Variants in ROBO2 observed in about 807,000 individuals in gnomAD.
ROBO2 encodes roundabout homolog 2.
A neutral mutation model predicts 160.8 loss-of-function variants in ROBO2; 53 were observed. The ratio of observed to expected loss-of-function variants is 0.33; its 90% CI spans 0.26 to 0.41. The LOEUF is 0.41. Ranked by LOEUF, ROBO2 falls within the 10% of genes least tolerant of loss-of-function variation. The pLI, the probability that ROBO2 is intolerant of heterozygous loss-of-function variation, is 1.00. For missense variants in ROBO2, 1,577 were observed against 1,722.4 expected (o/e 0.92, Z 1.49); for synonymous variants, 664 against 611.7 (o/e 1.09, Z -1.26).
intron 1 of ROBO2, among the ~76,000 whole-genome samples, chr3:77,068,873 C>T (rs560471341): frequency 6.6e-6 from 1 of 152,092 alleles, no homozygotes; most frequent in South Asian, 2.1e-4. Context: ...TTTTGTGATC[C>T]GCAAACTATA....
intron 2 of ROBO2, among the ~76,000 whole-genome samples, chr3:77,247,177 TAAG>T (rs2089824920): frequency 6.6e-6 from 1 of 152,236 alleles, no homozygotes; most frequent in Admixed American, 6.5e-5. Context: ...TTTTCCATGC[TAAG>T]AAGTGCTTTA....
intron 2 of ROBO2, among the ~76,000 whole-genome samples, chr3:77,177,673 A>G (rs2080287717): frequency 6.6e-6 from 1 of 151,930 alleles, no homozygotes; most frequent in Admixed American, 6.6e-5. Context: ...TTGGATATGG[A>G]GAGCCAACTG....
At chr3:76,919,807 A>G (rs1313963300) in intron 2 of ROBO2, among the ~76,000 whole-genome samples, 2 of 151,798 alleles carry the variant, frequency 1.3e-5, no homozygotes, top group Non-Finnish European at 2.9e-5. Flanking sequence ...CTCTTTGAAT[A>G]CTTCTGATAA....
chr3:77,057,145 G>A (rs1456112535), intron 1 of ROBO2, among the ~76,000 whole-genome samples: 2 of 152,166 alleles, frequency 1.3e-5, no homozygotes, highest in Admixed American at 1.3e-4. Flanking sequence ...AAAAGGATGA[G>A]TTCATGTCCT....
At chr3:75,993,335 G>T (rs2107523551) in intron 2 of ROBO2, among the ~76,000 whole-genome samples, 1 of 152,252 alleles carries the variant, frequency 6.6e-6, no homozygotes, top group Non-Finnish European at 1.5e-5. Flanking sequence ...AGTCTCATGA[G>T]ATCTGATGGT....
intron 2 of ROBO2, among the ~76,000 whole-genome samples, chr3:76,315,509 G>A (rs535821118): frequency 1.3e-5 from 2 of 152,168 alleles, no homozygotes; most frequent in South Asian, 2.1e-4. Context: ...TATTTAGAGT[G>A]GCAATTTCAA....
rs1282314668 is a variant in ROBO2, at chr3:77,353,231, T to C, written c.389-124183T>C. On this transcript the variant is annotated intron_variant, in intron 2 of 25. Coordinates refer to ENST00000461745, the Ensembl canonical transcript of ROBO2. ...AAGCTGTACATTGAACCAGATGATA[T>C]ATTTCTGCGATGTGGGCCACCCAAA... Among the ~76,000 whole-genome samples, 6 of 152,330 alleles carry C rather than the reference T, an allele frequency of 3.9e-5. No homozygotes were observed. In the East Asian group the frequency reaches 9.7e-4, roughly 25 times the overall value.
chr3:76,531,196 C>A (rs973287143), intron 2 of ROBO2, among the ~76,000 whole-genome samples: 4 of 152,092 alleles, frequency 2.6e-5, no homozygotes, highest in Non-Finnish European at 5.9e-5. Context: ...ATGAAAGAAT[C>A]TACTGTGAAT....
At chr3:76,103,748 A>T (rs2069800707) in intron 2 of ROBO2, among the ~76,000 whole-genome samples, 1 of 152,176 alleles carries the variant, frequency 6.6e-6, no homozygotes, top group Non-Finnish European at 1.5e-5. Context: ...CATCAAATCT[A>T]CGCAGGTGTT....
chr3:77,610,802 C>T (rs1414808130), intron 21 of ROBO2, among the ~76,000 whole-genome samples: 4 of 76,360 alleles, frequency 5.2e-5, no homozygotes, highest in African/African-American at 1.9e-4. Flanking sequence ...GACGAGAAAA[C>T]AGGAAATAGC....
intron 2 of ROBO2, among the ~76,000 whole-genome samples, chr3:76,960,652 C>T (rs1182375246): frequency 2.0e-5 from 3 of 152,044 alleles, no homozygotes; most frequent in Non-Finnish European, 2.9e-5. Context: ...CCTTATTTAA[C>T]GTTCTTGTGA....
At chr3:76,990,637 G>A (rs555935108) in intron 2 of ROBO2, among the ~76,000 whole-genome samples, 1 of 152,246 alleles carries the variant, frequency 6.6e-6, no homozygotes, top group African/African-American at 2.4e-5. Flanking sequence ...TGGTCATGCA[G>A]TTGTTAACTA....
intron 2 of ROBO2, among the ~76,000 whole-genome samples, chr3:76,848,525 A>T (rs1479197681): frequency 6.6e-6 from 1 of 152,210 alleles, no homozygotes; most frequent in Non-Finnish European, 1.5e-5. Context: ...CTGTCAATTT[A>T]TCTTAGTCTG....
intron 2 of ROBO2, among the ~76,000 whole-genome samples, chr3:76,412,653 T>C (rs1008442343): frequency 6.6e-6 from 1 of 152,118 alleles, no homozygotes; most frequent in African/African-American, 2.4e-5. Flanking sequence ...TCCAAAACGA[T>C]CTCCTGTGAC....
chr3:76,603,342 AAAAAAAAAAATATATATATATATATATAT>A (rs915887105), intron 2 of ROBO2, among the ~76,000 whole-genome samples: 1 of 69,328 alleles, frequency 1.4e-5, no homozygotes, highest in Non-Finnish European at 2.9e-5. Context: ...CAAAAAAAAA[AAAAAAAAAAATATATATATATATATATAT>A]ATATATATAT....
At chr3:77,532,852 C>T (rs566484991) in intron 6 of ROBO2, among the ~76,000 whole-genome samples, 20 of 151,702 alleles carry the variant, frequency 1.3e-4, no homozygotes, top group African/African-American at 4.3e-4. Flanking sequence ...TTCATTTAGA[C>T]GATGCCTAAG....
intron 2 of ROBO2, among the ~76,000 whole-genome samples, chr3:76,472,112 T>TGTGTGC (rs1439741399): frequency 4.1e-4 from 35 of 84,516 alleles, no homozygotes; most frequent in African/African-American, 1.1e-3. Flanking sequence ...CGCGTGTGCG[T>TGTGTGC]GCGCATGTGT....
intron 2 of ROBO2, among the ~76,000 whole-genome samples, chr3:76,077,371 T>C (rs896603703): frequency 2.0e-5 from 3 of 152,160 alleles, no homozygotes; most frequent in Non-Finnish European, 2.9e-5. Flanking sequence ...GAGACCAGCC[T>C]GGCCAACATG....
intron 2 of ROBO2, among the ~76,000 whole-genome samples, chr3:76,462,870 C>T (rs2078160712): frequency 6.6e-6 from 1 of 152,154 alleles, no homozygotes; most frequent in Non-Finnish European, 1.5e-5. Flanking sequence ...CAGTTTTTGG[C>T]AATTCTTTAT....
Sources: gnomAD v4.1 joint callset for allele counts (sites outside exome capture counted in the v4.1 genomes callset) on GRCh38, gnomAD v4.1.1 for gene constraint, MANE v1.5 for transcripts, NCBI Gene and HGNC (gene_info 2026-07-23, HGNC 2026-07-21) for gene names.